TMX3: variants seen among roughly 807,000 people sequenced by gnomAD.
TMX3 encodes the protein thioredoxin related transmembrane protein 3, also known as protein disulfide-isomerase TMX3.
A neutral mutation model predicts 64.4 loss-of-function variants in TMX3; 40 were observed. The observed-to-expected ratio is 0.62, with a 90% confidence interval of 0.48 to 0.81. The LOEUF is 0.81. TMX3 is among the 30% of genes least tolerant of loss of function. TMX3 has a pLI of 0.00. For synonymous variants in TMX3, 189 were observed against 175.7 expected, an observed-to-expected ratio of 1.08 and a Z score of -0.60; for missense variants, 497 against 534.5, an observed-to-expected ratio of 0.93 and a Z score of 0.69.
intron 10 of TMX3, among the ~76,000 whole-genome samples, chr18:68,686,195 C>T (rs1241525181): frequency 1.3e-5 from 2 of 152,040 alleles, no homozygotes; most frequent in East Asian, 1.9e-4. Flanking sequence ...GGCAGGGGCA[C>T]GACCACAGCT....
intron 9 of TMX3, 117 bp downstream of exon 9, chr18:68,691,178 T>C (rs958064145): frequency 6.9e-6 from 4 of 582,968 alleles, no homozygotes; most frequent in African/African-American, 1.9e-5. Context: ...ATTCAAGTCA[T>C]GAGAACTGTT....
Position 68,700,410 on chromosome 18 carries a change from T to C in TMX3, c.387A>G (p.Val129=), listed in dbSNP as rs770851048. 2.5e-6 allele frequency: 4 copies of C among 1,569,220 alleles called. No homozygotes were observed. In the South Asian group the frequency reaches 4.9e-5, roughly 19 times the overall value. ...GGCCTTTCCTAATAACTTACCCAGA[T>C]ACTCTGTGAGCAAACTCAATAATAT... is the stretch of plus-strand genomic sequence containing the variant. ...KDDIIEFAHR[V]SGALIRPLPS... Residue 129 remains valine, a synonymous_variant, in exon 6 of 16, where the codon GTA becomes GTG. Transcript: ENST00000299608.
At chr18:68,684,375 C>T (rs1445444270) in intron 11 of TMX3, 53 bp downstream of exon 11, 5 of 1,548,058 alleles carry the variant, frequency 3.2e-6, no homozygotes, top group South Asian at 1.1e-5. Flanking sequence ...TATCTAAAGC[C>T]ATATAGTCTG....
chr18:68,708,644 T>G (rs1476144585), intron 4 of TMX3, among the ~76,000 whole-genome samples: 21 of 152,178 alleles, frequency 1.4e-4, no homozygotes, highest in Non-Finnish European at 1.0e-4. Flanking sequence ...CTACAAACTC[T>G]TTATTTTCCA....
At chr18:68,709,908 G>C in intron 4 of TMX3, 113 bp downstream of exon 4, 1 of 974,812 alleles carries the variant, frequency 1.0e-6, no homozygotes, top group Non-Finnish European at 1.4e-6. Flanking sequence ...AAATTATTAA[G>C]TTAATTGAAT....
chr18:68,684,089 G>C (rs1490198239), intron 12 of TMX3, 101 bp downstream of exon 12: 1 of 844,538 alleles, frequency 1.2e-6, no homozygotes, highest in Non-Finnish European at 1.9e-6. Flanking sequence ...TCATTTCTTT[G>C]ATTCACCTCT....
chr18:68,697,899 C>G (rs1431312417), intron 7 of TMX3, 33 bp downstream of exon 7: 1 of 1,351,210 alleles, frequency 7.4e-7, no homozygotes, highest in African/African-American at 1.4e-5. Flanking sequence ...AATTACAATA[C>G]ATCTGTTTTT....
intron 8 of TMX3, among the ~76,000 whole-genome samples, chr18:68,693,343 C>T (rs894916737): frequency 1.3e-5 from 2 of 152,044 alleles, no homozygotes; most frequent in Non-Finnish European, 2.9e-5. Context: ...GGTGGGAGCC[C>T]CACGCTCCCG....
At chr18:68,692,529 G>A (rs968601538) in intron 8 of TMX3, among the ~76,000 whole-genome samples, 20 of 152,140 alleles carry the variant, frequency 1.3e-4, no homozygotes, top group African/African-American at 4.6e-4. Flanking sequence ...ATAAATACCC[G>A]TTGTAAAGCT....
intron 12 of TMX3, 39 bp from the exon 13 acceptor site, chr18:68,683,020 A>AG (rs1568180633): frequency 6.4e-7 from 1 of 1,574,716 alleles, no homozygotes; most frequent in East Asian, 2.3e-5. Context: ...ATAAAAGGAG[A>AG]GGGGGTGGGG....
chr18:68,682,659 T>G (rs185207649), intron 13 of TMX3, among the ~76,000 whole-genome samples: 1 of 152,230 alleles, frequency 6.6e-6, no homozygotes, highest in East Asian at 1.9e-4. Context: ...TTTACACGTT[T>G]TGGAATAATG....
chr18:68,711,859 G>T, intron 2 of TMX3, among the ~76,000 whole-genome samples: 1 of 152,306 alleles, frequency 6.6e-6, no homozygotes, highest in Non-Finnish European at 1.5e-5. Flanking sequence ...ATGCGCGTGA[G>T]AAATATTGGA....
chr18:68,676,977 T>G lies in TMX3; in HGVS notation c.1321A>C (p.Thr441Pro). Residue 441 changes from threonine (T) to proline (P), a missense_variant, in exon 16 of 16, where the codon ACA becomes CCA. Transcript: ENST00000299608. ...AATACATCCTTGGGCTCCTGCACTG[T>G]AGGCACTACAGATCCTCCACTGCTG... ...EPSSGGSVVP[T>P]VQEPKDVLEK... 6.2e-7 allele frequency: 1 copy of G among 1,613,846 alleles called. No individual in the cohort carries two copies. The highest frequency in any genetic ancestry group is 1.1e-5 in the South Asian group (1 of 91,068).
rs552845837 is a variant in TMX3, at chr18:68,711,436, T to C, written c.102-33A>G. On this transcript the variant is annotated intron_variant, in intron 2 of 15. Coordinates refer to ENST00000299608, the MANE Select transcript of TMX3 (RefSeq NM_019022.5). ...ACAAGAAAACAAATGTTTGATTGTATGTTTGTGTCCACTTTACAACTGTAT... is the reference window on the plus strand; with the variant it reads ...ACAAGAAAACAAATGTTTGATTGTACGTTTGTGTCCACTTTACAACTGTAT... 7 of 1,515,776 alleles carry C rather than the reference T, an allele frequency of 4.6e-6. No homozygotes were observed. In the South Asian group the frequency reaches 5.9e-5, roughly 13 times the overall value. The allele number at this position is 1,515,776 out of a possible 1,614,324, so 93.9% of individuals were successfully genotyped here. A position where few individuals can be genotyped will look rare whatever the true frequency, so the allele number is the denominator to read the frequency against.
At chr18:68,711,545 A>C (rs984359343) in intron 2 of TMX3, 142 bp from the exon 3 acceptor site, 2 of 490,164 alleles carry the variant, frequency 4.1e-6, no homozygotes, top group African/African-American at 4.0e-5. Context: ...ATTTTTACTC[A>C]GTGACCTATC....
intron 15 of TMX3, among the ~76,000 whole-genome samples, chr18:68,678,062 G>A (rs1036318901): frequency 6.6e-6 from 1 of 152,114 alleles, no homozygotes; most frequent in African/African-American, 2.4e-5. Context: ...TAACTGTGTA[G>A]TGGAATATAA....
At chr18:68,681,534 C>G in intron 13 of TMX3, 1 of 984,944 alleles carries the variant, frequency 1.0e-6, no homozygotes, top group Non-Finnish European at 1.2e-6. Context: ...GGCAAATCCT[C>G]TTAAGTTCTT....
At chr18:68,704,621 T>G (rs2030481365) in intron 4 of TMX3, among the ~76,000 whole-genome samples, 1 of 152,246 alleles carries the variant, frequency 6.6e-6, no homozygotes. Context: ...TTTTTTATTC[T>G]TTACTTTTTC....
chr18:68,710,258 T>C (rs746652490), intron 3 of TMX3, 114 bp from the exon 4 acceptor site: 22 of 978,364 alleles, frequency 2.2e-5, no homozygotes, highest in Non-Finnish European at 3.0e-5. Flanking sequence ...GATCTAATAA[T>C]GTTTTAGACA....
Sources: gnomAD v4.1 joint callset for allele counts (sites outside exome capture counted in the v4.1 genomes callset) on GRCh38, gnomAD v4.1.1 for gene constraint, MANE v1.5 for transcripts, NCBI Gene and HGNC (gene_info 2026-07-23, HGNC 2026-07-21) for gene names.